Variants in SCN10A observed in about 807,000 individuals in gnomAD.
The protein encoded by SCN10A is sodium channel protein type 10 subunit alpha.
In SCN10A, 162 loss-of-function variants were observed where a neutral mutation model predicts 170.7. The observed-to-expected ratio is 0.95, with a 90% confidence interval of 0.84 to 1.08. The LOEUF (loss-of-function observed/expected upper bound fraction) is 1.08. Ranked by LOEUF, SCN10A falls within the 50% of genes least tolerant of loss-of-function variation. The probability of loss-of-function intolerance (pLI) is 0.00; values close to 1 mark genes in which losing one functional copy is unlikely to be tolerated. For synonymous variants in SCN10A, 985 were observed against 904.6 expected (o/e 1.09, Z -1.59); for missense variants, 2,527 against 2,436.9 (o/e 1.04, Z -0.78).
intron 1 of SCN10A, among the ~76,000 whole-genome samples, chr3:38,795,106 A>G (rs1053891603): frequency 6.6e-6 from 1 of 152,042 alleles, no homozygotes; most frequent in African/African-American, 2.4e-5. Context: ...AACTTTAAAA[A>G]CTTTCCCTTG....
intron 1 of SCN10A, among the ~76,000 whole-genome samples, chr3:38,813,737 G>T (rs2064454882): frequency 6.6e-6 from 1 of 152,180 alleles, no homozygotes; most frequent in East Asian, 1.9e-4. Flanking sequence ...AAGGTAAGAA[G>T]AGTGACCATG....
chr3:38,715,303 C>T (rs2063323467), intron 21 of SCN10A, among the ~76,000 whole-genome samples: 1 of 152,158 alleles, frequency 6.6e-6, no homozygotes, highest in African/African-American at 2.4e-5. Context: ...CCAAGCCCAC[C>T]TCCATTCCCA....
chr3:38,722,356 C>T lies in SCN10A; in HGVS notation c.3409G>A (p.Val1137Met), dbSNP rs1278228854. The change falls in exon 20 of 28, where the codon GTG becomes ATG. Residue 1137 changes from valine to methionine, a missense_variant. Coordinates refer to ENST00000449082, the MANE Select transcript of SCN10A (RefSeq NM_006514.4). Reference protein sequence around the residue: ...KLDTTKSPWDVGWQVRKTCYR... With the variant: ...KLDTTKSPWDMGWQVRKTCYR... ...CAAGTCTTGCGCACCTGCCAGCCCA[C>T]ATCCCATGGACTCTTGGTGGTATCC... 1.8e-5 allele frequency: 29 copies of T among 1,614,046 alleles called. No homozygotes were observed. The highest frequency in any genetic ancestry group is 2.4e-5 in the Non-Finnish European group (28 of 1,180,036).
At chr3:38,791,928 C>T (rs2064286400) in intron 3 of SCN10A, 122 bp downstream of exon 3, 4 of 1,304,994 alleles carry the variant, frequency 3.1e-6, no homozygotes, top group Middle Eastern at 2.0e-4. Flanking sequence ...ATCTAATGAC[C>T]TCATTGTACT....
intron 13 of SCN10A, among the ~76,000 whole-genome samples, chr3:38,749,381 G>C (rs1306091206): frequency 6.6e-6 from 1 of 152,200 alleles, no homozygotes; most frequent in Non-Finnish European, 1.5e-5. Flanking sequence ...AAAAAGGCTG[G>C]ATTAGAACAG....
intron 4 of SCN10A, among the ~76,000 whole-genome samples, chr3:38,772,736 C>A (rs6767287): frequency 0.32 from 28,508 of 88,438 alleles, 3,011 homozygotes; most frequent in East Asian, 0.55. Context: ...AAAACAAAAA[C>A]AAAAAAAAAA....
intron 1 of SCN10A, among the ~76,000 whole-genome samples, chr3:38,794,845 AC>A (rs1452237170): frequency 5.9e-5 from 9 of 152,138 alleles, no homozygotes; most frequent in Non-Finnish European, 1.3e-4. Flanking sequence ...TAAGCCAATG[AC>A]CATATTTCCT....
chr3:38,732,314 A>C (rs9809798), intron 15 of SCN10A, among the ~76,000 whole-genome samples: 90,737 of 152,020 alleles, frequency 0.6, 27,692 homozygotes, highest in African/African-American at 0.74. Context: ...AAACCCCCTG[A>C]ACTTTTTCTT....
chr3:38,711,288 A>C (rs532090835), intron 23 of SCN10A, among the ~76,000 whole-genome samples: 39 of 152,342 alleles, frequency 2.6e-4, no homozygotes, highest in African/African-American at 8.9e-4. Flanking sequence ...TAAGAATGGT[A>C]TATCTTCCAG....
intron 21 of SCN10A, among the ~76,000 whole-genome samples, chr3:38,715,455 C>T (rs536169927): frequency 1.3e-5 from 2 of 152,354 alleles, no homozygotes; most frequent in South Asian, 4.1e-4. Flanking sequence ...TCAGGATAAA[C>T]TCCATACTCT....
intron 15 of SCN10A, among the ~76,000 whole-genome samples, chr3:38,736,963 G>GCTTTTTTTTTTTTTTTTT: frequency 2.1e-5 from 1 of 46,666 alleles, no homozygotes; most frequent in Non-Finnish European, 3.6e-5. Context: ...AGAAATGTTC[G>GCTTTTTTTTTTTTTTTTT]TTTTTTTTTT....
intron 8 of SCN10A, among the ~76,000 whole-genome samples, chr3:38,757,938 G>A (rs926758524): frequency 8.5e-5 from 13 of 152,314 alleles, no homozygotes; most frequent in African/African-American, 2.9e-4. Flanking sequence ...CTCAGGGAGC[G>A]TAAAGTGCTC....
At chr3:38,774,603 T>G (rs1411786556) in intron 4 of SCN10A, among the ~76,000 whole-genome samples, 1 of 152,236 alleles carries the variant, frequency 6.6e-6, no homozygotes, top group Admixed American at 6.5e-5. Context: ...GATGTCTGAT[T>G]GTTACAAATC....
intron 19 of SCN10A, 60 bp downstream of exon 19, chr3:38,723,370 T>G: frequency 6.2e-7 from 1 of 1,604,554 alleles, no homozygotes; most frequent in South Asian, 1.1e-5. Context: ...GAGTGTTCGC[T>G]CAACTGGATT....
intron 24 of SCN10A, among the ~76,000 whole-genome samples, chr3:38,710,214 C>T (rs193176707): frequency 2.0e-5 from 3 of 152,150 alleles, no homozygotes; most frequent in Admixed American, 2.0e-4. Context: ...AGCTGGAGTG[C>T]AGTGACGCAA....
chr3:38,767,322 T>G, intron 5 of SCN10A, among the ~76,000 whole-genome samples: 1 of 151,810 alleles, frequency 6.6e-6, no homozygotes. Context: ...CCTTGAGGTG[T>G]GACCTTAGAT....
At position 38,793,823 on chromosome 3, in the gene SCN10A, A is replaced by T; in HGVS notation, c.188T>A (p.Leu63Gln). 1 of 1,614,024 alleles carries T rather than the reference A, an allele frequency of 6.2e-7. No homozygotes were observed. The highest frequency in any genetic ancestry group is 8.5e-7 in the Non-Finnish European group (1 of 1,179,956). ...TGGGAGCTCACCATAGAACTTGGGCAGCTGGTTGCAGGCTTTCAAGTCCAG... is the reference window on the plus strand; with the variant it reads ...TGGGAGCTCACCATAGAACTTGGGCTGCTGGTTGCAGGCTTTCAAGTCCAG... ...PQLDLKACNQ[L>Q]PKFYGELPAE... The change falls in exon 2 of 28, where the codon CTG becomes CAG. Residue 63 changes from leucine to glutamine, a missense_variant. By Grantham distance (113) the Leu-to-Gln change is moderately radical (BLOSUM62 -2). Transcript: ENST00000449082.
intron 4 of SCN10A, among the ~76,000 whole-genome samples, chr3:38,780,636 G>A (rs941102856): frequency 6.6e-6 from 1 of 151,584 alleles, no homozygotes; most frequent in African/African-American, 2.4e-5. Flanking sequence ...TCATTTTAAT[G>A]TGCATTTCTC....
intron 4 of SCN10A, among the ~76,000 whole-genome samples, chr3:38,777,764 T>G (rs943852932): frequency 6.6e-6 from 1 of 152,044 alleles, no homozygotes; most frequent in African/African-American, 2.4e-5. Flanking sequence ...AGAAACAGAT[T>G]CAGTAGACAT....
Sources: allele counts gnomAD v4.1 joint callset (sites outside exome capture counted in the v4.1 genomes callset), GRCh38; gene constraint gnomAD v4.1.1; transcripts MANE v1.5; gene names NCBI Gene and HGNC (gene_info 2026-07-23, HGNC 2026-07-21).